Variants in PDE1A observed in about 807,000 individuals in gnomAD.
PDE1A encodes phosphodiesterase 1A.
A neutral mutation model predicts 61.7 loss-of-function variants in PDE1A; 35 were observed. That is an observed-to-expected ratio of 0.57 (90% CI 0.43 to 0.75). The LOEUF (loss-of-function observed/expected upper bound fraction) is 0.75. Ranked by LOEUF, PDE1A falls within the 30% of genes least tolerant of loss-of-function variation. The probability of loss-of-function intolerance (pLI) is 0.00; values close to 1 mark genes in which losing one functional copy is unlikely to be tolerated. For synonymous variants in PDE1A, 232 were observed against 213.2 expected (o/e 1.09, Z -0.77); for missense variants, 597 against 630.6 (o/e 0.95, Z 0.57).
chr2:182,567,296 G>T, the PDE1A span, among the ~76,000 whole-genome samples: 3 of 152,152 alleles, frequency 2.0e-5, no homozygotes, highest in African/African-American at 4.8e-5. Context: ...ATTTGTGTTT[G>T]ATATCTCTCC....
the PDE1A span, among the ~76,000 whole-genome samples, chr2:182,584,584 C>G: frequency 6.6e-6 from 1 of 152,238 alleles, no homozygotes; most frequent in Non-Finnish European, 1.5e-5. Flanking sequence ...TCGTCACCTG[C>G]TCAGGCCACT....
At chr2:182,506,154 T>A (rs751328044) in intron 2 of PDE1A, among the ~76,000 whole-genome samples, 6 of 152,240 alleles carry the variant, frequency 3.9e-5, no homozygotes, top group Non-Finnish European at 7.3e-5. Context: ...AAATTTTTCC[T>A]TTTTCATTCT....
chr2:182,364,777 CAT>C (rs1383960965), intron 1 of PDE1A, among the ~76,000 whole-genome samples: 4 of 151,848 alleles, frequency 2.6e-5, no homozygotes, highest in Admixed American at 6.6e-5. Flanking sequence ...ACACAATAAA[CAT>C]AAAATAGACT....
At chr2:182,394,884 T>A (rs1238589054) in intron 1 of PDE1A, among the ~76,000 whole-genome samples, 1 of 152,082 alleles carries the variant, frequency 6.6e-6, no homozygotes. Flanking sequence ...AAAAACAATA[T>A]CACATCCCTG....
intron 2 of PDE1A, among the ~76,000 whole-genome samples, chr2:182,438,188 A>G (rs1250804518): frequency 6.6e-6 from 1 of 151,838 alleles, no homozygotes; most frequent in African/African-American, 2.4e-5. Flanking sequence ...TGATCTCCAA[A>G]TTTAAGACCT....
intron 4 of PDE1A, among the ~76,000 whole-genome samples, chr2:182,233,806 CACACACA>C (rs1689778088): frequency 6.8e-6 from 1 of 147,286 alleles, no homozygotes; most frequent in Admixed American, 6.7e-5. Flanking sequence ...CACACACACA[CACACACA>C]CAATGAGGCA....
At chr2:182,237,243 A>G (rs990557759) in intron 3 of PDE1A, among the ~76,000 whole-genome samples, 1 of 152,214 alleles carries the variant, frequency 6.6e-6, no homozygotes, top group Admixed American at 6.5e-5. Flanking sequence ...CTGTAATCCC[A>G]GAACTTTGGG....
chr2:182,710,109 A>T, the PDE1A span, among the ~76,000 whole-genome samples: 1 of 152,126 alleles, frequency 6.6e-6, no homozygotes, highest in Admixed American at 6.6e-5. Context: ...GTTGGCCAGG[A>T]TGGTCTCGAT....
At chr2:182,190,066 T>C (rs779803864) in intron 10 of PDE1A, among the ~76,000 whole-genome samples, 1 of 152,246 alleles carries the variant, frequency 6.6e-6, no homozygotes, top group Non-Finnish European at 1.5e-5. Flanking sequence ...TCTATGCTAA[T>C]CTTTACAACA....
chr2:182,466,920 T>C (rs1686707222), intron 2 of PDE1A, among the ~76,000 whole-genome samples: 3 of 152,016 alleles, frequency 2.0e-5, no homozygotes, highest in Admixed American at 2.0e-4. Context: ...AATAGAAGCC[T>C]AGAGAAAAAT....
At chr2:182,359,963 A>G (rs1699406477) in intron 1 of PDE1A, among the ~76,000 whole-genome samples, 2 of 152,150 alleles carry the variant, frequency 1.3e-5, no homozygotes, top group Admixed American at 1.3e-4. Flanking sequence ...TAAATTCTAT[A>G]GAGCCCTCAA....
chr2:182,707,611 T>C, the PDE1A span, among the ~76,000 whole-genome samples: 2 of 152,168 alleles, frequency 1.3e-5, no homozygotes, highest in East Asian at 3.8e-4. Flanking sequence ...TGGTCCTATA[T>C]CTAGCAAAGA....
chr2:182,205,373 TG>T lies in PDE1A; in HGVS notation c.902+566del, dbSNP rs1223750628. The stretch of plus-strand genomic sequence containing the variant: ...AAGAGAAGAAAGGTTATAAGAGGGA[TG>T]GGGGTACATCTTGTTATTTTTCCCT... On this transcript the variant is annotated intron_variant, in intron 8 of 13. Transcript: ENST00000351439. Among the ~76,000 whole-genome samples the T allele has an allele frequency of 1.5e-4, 23 of 152,170 alleles. No homozygotes were observed. The East Asian group carries it at 1.5e-3, about 10-fold the overall frequency.
chr2:182,169,655 G>C (rs1691950304), intron 13 of PDE1A, among the ~76,000 whole-genome samples: 1 of 151,982 alleles, frequency 6.6e-6, no homozygotes, highest in Admixed American at 6.6e-5. Context: ...ACATCTAAGA[G>C]TTACTCCAAG....
chr2:182,334,988 A>G (rs1207587258), intron 1 of PDE1A, among the ~76,000 whole-genome samples: 2 of 152,154 alleles, frequency 1.3e-5, no homozygotes, highest in Non-Finnish European at 2.9e-5. Context: ...AATAATAGAC[A>G]AACAGAGAGC....
At chr2:182,681,363 AG>A in the PDE1A span, among the ~76,000 whole-genome samples, 2 of 151,886 alleles carry the variant, frequency 1.3e-5, no homozygotes, top group African/African-American at 4.8e-5. Flanking sequence ...GCTGGAGTGC[AG>A]TGCTGCAATC....
the PDE1A span, among the ~76,000 whole-genome samples, chr2:182,568,797 A>G: frequency 6.6e-6 from 1 of 152,030 alleles, no homozygotes; most frequent in African/African-American, 2.4e-5. Context: ...GCTGAATAAA[A>G]TGGCTTAGAA....
intron 13 of PDE1A, among the ~76,000 whole-genome samples, chr2:182,177,281 C>A (rs1408028167): frequency 2.0e-5 from 3 of 152,046 alleles, no homozygotes; most frequent in Non-Finnish European, 4.4e-5. Flanking sequence ...CTCCTTGTAC[C>A]TCTGGTAGAA....
intron 13 of PDE1A, among the ~76,000 whole-genome samples, chr2:182,155,847 C>A (rs1388337718): frequency 1.3e-5 from 2 of 152,174 alleles, no homozygotes; most frequent in Non-Finnish European, 2.9e-5. Flanking sequence ...GCCGAGATTG[C>A]ACCATTGCAC....
Sources: gnomAD v4.1 joint callset for allele counts (sites outside exome capture counted in the v4.1 genomes callset) on GRCh38, gnomAD v4.1.1 for gene constraint, MANE v1.5 for transcripts, NCBI Gene and HGNC (gene_info 2026-07-23, HGNC 2026-07-21) for gene names.